The following MACROD2 variants were observed in gnomAD, a reference collection of about 807,000 sequenced individuals.
The protein encoded by MACROD2 is ADP-ribose glycohydrolase MACROD2.
Under a neutral mutation model 70.4 loss-of-function variants are expected in MACROD2, and 36 were observed. The observed-to-expected ratio is 0.51, with a 90% CI of 0.39 to 0.68. The LOEUF is 0.68. Ranked by LOEUF, MACROD2 falls within the 30% of genes least tolerant of loss-of-function variation. The pLI is 0.00. For synonymous variants in MACROD2, 172 were observed against 178.8 expected, an observed-to-expected ratio of 0.96 and a Z score of 0.30; for missense variants, 496 against 538.4, an observed-to-expected ratio of 0.92 and a Z score of 0.78.
chr20:14,863,767 T>C (rs561516643), intron 5 of MACROD2, among the ~76,000 whole-genome samples: 147 of 152,222 alleles, frequency 9.7e-4, no homozygotes, highest in Non-Finnish European at 1.9e-3. Flanking sequence ...ATTATTATCT[T>C]CATACGATAG....
chr20:15,629,644 T>C (rs1481861543), intron 8 of MACROD2, among the ~76,000 whole-genome samples: 1 of 152,212 alleles, frequency 6.6e-6, no homozygotes, highest in Non-Finnish European at 1.5e-5. Context: ...TCAACATCCA[T>C]CACAGTGCAT....
At chr20:16,010,502 TA>T (rs1424045610) in intron 15 of MACROD2, among the ~76,000 whole-genome samples, 1 of 152,200 alleles carries the variant, frequency 6.6e-6, no homozygotes, top group Non-Finnish European at 1.5e-5. Context: ...ATTGTAACAA[TA>T]AAGTCAGTTC....
intron 10 of MACROD2, among the ~76,000 whole-genome samples, chr20:15,891,850 G>A (rs2064893762): frequency 6.6e-6 from 1 of 152,114 alleles, no homozygotes; most frequent in Admixed American, 6.6e-5. Context: ...AAAATTGAAA[G>A]GGCCTGATGG....
At chr20:15,566,869 G>A (rs543876389) in intron 8 of MACROD2, among the ~76,000 whole-genome samples, 16 of 152,118 alleles carry the variant, frequency 1.1e-4, no homozygotes, top group Middle Eastern at 3.4e-3. Context: ...GTTTCCTTTC[G>A]TAGTTCTTAC....
intron 8 of MACROD2, among the ~76,000 whole-genome samples, chr20:15,841,889 T>C (rs2064174600): frequency 6.6e-6 from 1 of 152,096 alleles, no homozygotes; most frequent in East Asian, 1.9e-4. Context: ...AACAAGAGGG[T>C]TCAGTTCTAC....
At chr20:15,830,361 T>G (rs1401975489) in intron 8 of MACROD2, among the ~76,000 whole-genome samples, 1 of 152,236 alleles carries the variant, frequency 6.6e-6, no homozygotes, top group Non-Finnish European at 1.5e-5. Context: ...CCAGTATAAC[T>G]CCGATCTTCC....
intron 8 of MACROD2, among the ~76,000 whole-genome samples, chr20:15,745,518 T>C (rs1456127595): frequency 6.6e-6 from 1 of 152,168 alleles, no homozygotes; most frequent in African/African-American, 2.4e-5. Context: ...ACTATTTCAG[T>C]CAATTTCGTG....
At chr20:14,708,801 G>T (rs2071302228) in intron 5 of MACROD2, among the ~76,000 whole-genome samples, 1 of 152,056 alleles carries the variant, frequency 6.6e-6, no homozygotes, top group African/African-American at 2.4e-5. Flanking sequence ...TGTATTTTTA[G>T]TAGAGACGGT....
chr20:15,750,916 TTTTTTTGTTTGTTTG>T (rs912092023), intron 8 of MACROD2, among the ~76,000 whole-genome samples: 5 of 148,996 alleles, frequency 3.4e-5, no homozygotes, highest in South Asian at 2.1e-4. Context: ...TTAAGAGGTG[TTTTTTTGTTTGTTTG>T]TTTTTTGTTT....
At chr20:14,801,080 A>G (rs1027547980) in intron 5 of MACROD2, among the ~76,000 whole-genome samples, 1 of 152,186 alleles carries the variant, frequency 6.6e-6, no homozygotes, top group African/African-American at 2.4e-5. Context: ...TAACTTCAAA[A>G]TAATACAAGG....
intron 4 of MACROD2, among the ~76,000 whole-genome samples, chr20:14,678,493 A>C (rs2070890090): frequency 6.6e-6 from 1 of 152,158 alleles, no homozygotes; most frequent in Non-Finnish European, 1.5e-5. Context: ...TGGTATGATA[A>C]GAAGCATAGA....
chr20:15,363,091 A>G (rs2078372099), intron 6 of MACROD2, among the ~76,000 whole-genome samples: 1 of 152,166 alleles, frequency 6.6e-6, no homozygotes, highest in Non-Finnish European at 1.5e-5. Context: ...CTATTCAGCT[A>G]CCTGTCTCCC....
intron 2 of MACROD2, among the ~76,000 whole-genome samples, chr20:14,024,383 C>T (rs991138079): frequency 6.6e-6 from 1 of 152,152 alleles, no homozygotes; most frequent in African/African-American, 2.4e-5. Context: ...CCCTTTATTT[C>T]TTTCTTTTGC....
rs145387065 is a variant in MACROD2, at chr20:15,755,310, C to T, written c.646-107435C>T. 2.2e-3 allele frequency among the ~76,000 whole-genome samples: 341 copies of T among 152,252 alleles called. 2 individuals are homozygous for T. The highest frequency in any genetic ancestry group is 7.7e-3 in the African/African-American group (322 of 41,552). On this transcript the variant is annotated intron_variant, in intron 8 of 17. Coordinates refer to ENST00000684519, the MANE Select transcript of MACROD2 (RefSeq NM_001351661.2). ...ATTTCAGATGTGGGTTGCCATGAGT[C>T]CTGAGTGTGTAGAACAAAGCAGTGC...
chr20:14,263,210 GA>G (rs1441479011), intron 3 of MACROD2, among the ~76,000 whole-genome samples: 6 of 152,218 alleles, frequency 3.9e-5, no homozygotes, highest in African/African-American at 1.4e-4. Flanking sequence ...ATCCCCAAAA[GA>G]AGCCACTTAA....
chr20:15,911,653 G>C (rs1365229392), intron 10 of MACROD2, among the ~76,000 whole-genome samples: 1 of 152,180 alleles, frequency 6.6e-6, no homozygotes, highest in Non-Finnish European at 1.5e-5. Context: ...GAAAATCAGT[G>C]TGGTGGGAGA....
intron 7 of MACROD2, among the ~76,000 whole-genome samples, chr20:15,492,897 G>C (rs2047250518): frequency 6.6e-6 from 1 of 152,140 alleles, no homozygotes; most frequent in Non-Finnish European, 1.5e-5. Flanking sequence ...TAACAATACA[G>C]TACCAATTTA....
At chr20:15,726,116 G>T (rs973395639) in intron 8 of MACROD2, among the ~76,000 whole-genome samples, 1 of 152,028 alleles carries the variant, frequency 6.6e-6, no homozygotes, top group Admixed American at 6.6e-5. Flanking sequence ...AGTGTCTGTT[G>T]TTTCTTTCTT....
chr20:14,037,117 T>C (rs907900758), intron 2 of MACROD2, among the ~76,000 whole-genome samples: 22 of 152,208 alleles, frequency 1.4e-4, no homozygotes, highest in Admixed American at 1.3e-3. Flanking sequence ...ACTTTTATTT[T>C]AAAGGGTATT....
Sources: allele counts gnomAD v4.1 joint callset (sites outside exome capture counted in the v4.1 genomes callset), GRCh38; gene constraint gnomAD v4.1.1; transcripts MANE v1.5; gene names NCBI Gene and HGNC (gene_info 2026-07-23, HGNC 2026-07-21).